The following MAP4 variants were observed in gnomAD, a reference collection of about 807,000 sequenced individuals.
MAP4 encodes the protein microtubule-associated protein 4.
A neutral mutation model predicts 170.2 loss-of-function variants in MAP4; 76 were observed. The observed-to-expected ratio is 0.45, with a 90% confidence interval of 0.37 to 0.54. The LOEUF (loss-of-function observed/expected upper bound fraction) is 0.54, where lower values mean the gene tolerates loss of function less well. MAP4 is among the 20% of genes least tolerant of loss of function. The probability of loss-of-function intolerance (pLI) is 0.00; values close to 1 mark genes in which losing one functional copy is unlikely to be tolerated. For synonymous variants in MAP4, 909 were observed against 994.5 expected (o/e 0.91, Z 1.62); for missense variants, 2,506 against 2,748.0 (o/e 0.91, Z 1.97).
At chr3:48,032,752 A>G (rs1191126260) in intron 1 of MAP4, among the ~76,000 whole-genome samples, 1 of 152,188 alleles carries the variant, frequency 6.6e-6, no homozygotes, top group Non-Finnish European at 1.5e-5. Flanking sequence ...TGCACTCTGA[A>G]ATAATCTACA....
intron 3 of MAP4, among the ~76,000 whole-genome samples, chr3:47,930,054 T>C (rs1273044955): frequency 1.3e-5 from 2 of 150,724 alleles, no homozygotes; most frequent in Admixed American, 6.6e-5. Context: ...CACCTGAGCC[T>C]GGGAGGCGAA....
intron 1 of MAP4, among the ~76,000 whole-genome samples, chr3:48,027,834 G>A (rs1226117775): frequency 1.3e-5 from 2 of 152,046 alleles, no homozygotes; most frequent in East Asian, 3.9e-4. Context: ...GTAAGACCCT[G>A]TCTCAAAAAA....
rs373688704 is a variant in MAP4 at position 48,047,095 on chromosome 3, AAAAT to A, written c.-20+41674_-20+41677del. ...GGCAACAGAGTGAGACTCCGTCTCA[AAAAT>A]AAATAAATAAATAAATAAATAAATA... On this transcript the variant is annotated intron_variant, in intron 1 of 18. Transcript: ENST00000360240. Among the ~76,000 whole-genome samples the A allele has an allele frequency of 1.3e-3, 182 of 142,832 alleles. 1 individual carries two copies. The highest frequency in any genetic ancestry group is 5.4e-3 in the South Asian group (24 of 4,420). 93.7% of individuals were successfully genotyped at this position (142,832 alleles called of 152,430 possible).
chr3:48,087,501 TTC>T (rs1477975903), intron 1 of MAP4, among the ~76,000 whole-genome samples: 4 of 151,920 alleles, frequency 2.6e-5, no homozygotes, highest in Admixed American at 2.0e-4. Flanking sequence ...CCACACCCAT[TTC>T]TCTGTCTACC....
intron 11 of MAP4, 117 bp downstream of exon 11, chr3:47,877,300 G>A (rs543576889): frequency 4.9e-4 from 369 of 749,176 alleles, no homozygotes; most frequent in Non-Finnish European, 7.7e-4. Flanking sequence ...CAAACATGAG[G>A]AAGGACAATA....
At chr3:48,004,111 A>C (rs1294314137) in intron 1 of MAP4, among the ~76,000 whole-genome samples, 2 of 152,030 alleles carry the variant, frequency 1.3e-5, no homozygotes, top group East Asian at 3.8e-4. Flanking sequence ...CTGTTCCTCT[A>C]AGAAAACTCT....
chr3:47,901,095 C>T (rs928343291), intron 10 of MAP4, among the ~76,000 whole-genome samples: 3 of 152,184 alleles, frequency 2.0e-5, no homozygotes, highest in African/African-American at 7.2e-5. Context: ...CCTTAATTTG[C>T]TCAGCAAACT....
intron 9 of MAP4, among the ~76,000 whole-genome samples, chr3:47,908,202 T>C (rs2100034142): frequency 6.6e-6 from 1 of 151,992 alleles, no homozygotes; most frequent in South Asian, 2.1e-4. Flanking sequence ...ATGTATACTT[T>C]TTTGGGGAAT....
intron 10 of MAP4, among the ~76,000 whole-genome samples, chr3:47,894,721 G>A (rs1482577556): frequency 6.6e-6 from 1 of 151,872 alleles, no homozygotes; most frequent in Admixed American, 6.6e-5. Flanking sequence ...AATATGTGAG[G>A]AAAATTATGA....
intron 1 of MAP4, among the ~76,000 whole-genome samples, chr3:48,079,032 A>AT (rs955656900): frequency 6.6e-6 from 1 of 152,022 alleles, no homozygotes; most frequent in African/African-American, 2.4e-5. Flanking sequence ...TTGGCTGGGC[A>AT]TGGTGGCACG....
Position 47,911,419 on chromosome 3 carries a change from A to T in MAP4, c.3002T>A (p.Val1001Asp). Residue 1001 changes from valine to aspartate, a missense_variant, in exon 9 of 21, where the codon GTC (valine) becomes GAC (aspartate). This residue lies in a region of MAP4 where 2,008 missense variants were observed against 2,206.0 expected (regional missense o/e 0.91). Coordinates refer to ENST00000683076, the MANE Select transcript of MAP4 (RefSeq NM_001385682.1). The surrounding 1 kb of genome is among the most constrained non-coding windows in gnomAD (Gnocchi z 4.0). ...NESKMTKLQN[V>D]KLKEFPEGAE... ...TCCTTCAGGAAACTCCTTCAGTTTG[A>T]CATTCTGCAGTTTAGTCATTTTACT... is the stretch of plus-strand genomic sequence containing the variant. 6.5e-7 allele frequency: 1 copy of T among 1,536,144 alleles called. No homozygotes were observed. The highest frequency in any genetic ancestry group is 8.7e-7 in the Non-Finnish European group (1 of 1,146,896).
chr3:47,914,756 C>T (rs1180298897), intron 8 of MAP4, 61 bp downstream of exon 8: 1 of 1,597,222 alleles, frequency 6.3e-7, no homozygotes, highest in Non-Finnish European at 8.6e-7. Context: ...ACAATGTCTA[C>T]CATCACTACT....
intron 1 of MAP4, among the ~76,000 whole-genome samples, chr3:48,031,391 A>C (rs1263292099): frequency 6.6e-6 from 1 of 152,142 alleles, no homozygotes; most frequent in Non-Finnish European, 1.5e-5. Context: ...CTCTACTAAA[A>C]ATACAAAAAG....
chr3:47,990,663 T>C (rs938650240), intron 2 of MAP4, among the ~76,000 whole-genome samples: 1 of 152,198 alleles, frequency 6.6e-6, no homozygotes, highest in Non-Finnish European at 1.5e-5. Context: ...CTGTGCTAGA[T>C]GATCATCTGA....
rs2054969659 is a variant in MAP4, at chr3:47,855,855, A to T, written c.6584-495T>A. On this transcript the variant is annotated intron_variant, in intron 18 of 20. Coordinates refer to ENST00000683076, the MANE Select transcript of MAP4 (RefSeq NM_001385682.1). The surrounding 1 kb of genome is among the most constrained non-coding windows in gnomAD (Gnocchi z 5.1). ...AAGGGACTCACCCAGAGTTACCACCAATCTGCTGATTGACAGTGACAGGTT... is the reference window on the plus strand; with the variant it reads ...AAGGGACTCACCCAGAGTTACCACCTATCTGCTGATTGACAGTGACAGGTT... 6.6e-6 allele frequency among the ~76,000 whole-genome samples: 1 copy of T among 152,216 alleles called. No homozygotes were observed. The highest frequency in any genetic ancestry group is 1.5e-5 in the Non-Finnish European group (1 of 68,040).
At chr3:47,981,575 G>T (rs528993433) in intron 2 of MAP4, among the ~76,000 whole-genome samples, 1 of 152,118 alleles carries the variant, frequency 6.6e-6, no homozygotes, top group South Asian at 2.1e-4. Flanking sequence ...TTCGAGACCT[G>T]CCTGGCCAAT....
In MAP4 at chr3:47,911,215, C is replaced by T. The variant is rs1171889782; in HGVS notation, c.3206G>A (p.Gly1069Glu). 1.3e-6 allele frequency: 2 copies of T among 1,535,978 alleles called. No individual in the cohort carries two copies. The highest frequency in any genetic ancestry group is 1.7e-6 in the Non-Finnish European group (2 of 1,146,916). ...CTTCCCAGAATCTGTTCTCATTTTC[C>T]CAGAACTTCCCCTTCCCTTCCTGCT... ...GKSRKGRGSS[G>E]KMRTDSGKVK... The change falls in exon 9 of 21, where the codon GGG becomes GAG. Residue 1069 changes from glycine (G) to glutamate (E), a missense_variant. By Grantham distance (98) the Gly-to-Glu change is moderately conservative. Coordinates refer to ENST00000683076, the MANE Select transcript of MAP4 (RefSeq NM_001385682.1). The surrounding 1 kb of genome is among the most constrained non-coding windows in gnomAD (Gnocchi z 4.0).
At chr3:47,959,200 TCA>T (rs1446257072) in intron 3 of MAP4, among the ~76,000 whole-genome samples, 5 of 152,074 alleles carry the variant, frequency 3.3e-5, no homozygotes, top group African/African-American at 1.2e-4. Flanking sequence ...GTGTGGTAAC[TCA>T]CACACCTGTA....
At chr3:47,974,165 C>T in intron 3 of MAP4, 1 of 972,748 alleles carries the variant, frequency 1.0e-6, no homozygotes, top group Non-Finnish European at 1.2e-6. Flanking sequence ...GTGTCTCACA[C>T]CTGTAATCCC....
Sources: allele counts gnomAD v4.1 joint callset (sites outside exome capture counted in the v4.1 genomes callset), GRCh38; gene constraint gnomAD v4.1.1; regional missense constraint gnomAD v4.1.1; non-coding constraint Gnocchi (gnomAD v3.1); transcripts MANE v1.5; gene names NCBI Gene and HGNC (gene_info 2026-07-23, HGNC 2026-07-21).